Variants in CHERP observed in about 807,000 individuals in gnomAD.
CHERP encodes calcium homeostasis endoplasmic reticulum protein, also known as ERPROT 213-21.
CHERP carries 8 observed loss-of-function variants against 113.8 expected under a neutral mutation model. The ratio of observed to expected loss-of-function variants is 0.07; its 90% confidence interval spans 0.04 to 0.13. CHERP has a LOEUF of 0.13. Among genes scored for constraint, CHERP ranks in the 10% least tolerant of loss-of-function variants. The pLI, the probability that CHERP is intolerant of heterozygous loss-of-function variation, is 1.00. For missense variants in CHERP, 884 were observed against 1,298.2 expected (o/e 0.68, Z 4.90); for synonymous variants, 559 against 524.5 (o/e 1.07, Z -0.90).
chr19:16,530,580 C>A lies in CHERP; in HGVS notation c.876+5G>T. On this transcript the variant is annotated splice_donor_5th_base_variant and intron_variant, in intron 7 of 16. Transcript: ENST00000546361. This position sits in a 1 kb window ranked among gnomAD's most constrained non-coding sequence, Gnocchi z 4.1. ...GGTGAGGTGTGGGTGGGCAGGGACA[C>A]TCACCTGGTACTGACCAAGCCCCAG... 6.2e-7 allele frequency: 1 copy of A among 1,613,722 alleles called. No homozygotes were observed. The highest frequency in any genetic ancestry group is 8.5e-7 in the Non-Finnish European group (1 of 1,179,692).
chr19:16,520,054 T>C lies in CHERP; in HGVS notation c.2462+95A>G. 1 of 1,343,268 alleles carries C rather than the reference T, an allele frequency of 7.4e-7. No individual in the cohort carries two copies. The allele number at this position is 1,343,268 out of a possible 1,614,324, so 83.2% of individuals were successfully genotyped here. A position where few individuals can be genotyped will look rare whatever the true frequency, so the allele number is the denominator to read the frequency against. On this transcript the variant is annotated intron_variant, in intron 15 of 16. Transcript: ENST00000546361. This position sits in a 1 kb window ranked among gnomAD's most constrained non-coding sequence, Gnocchi z 4.0. ...CCCCGGGCTAATGCTGGCGGCCTCC[T>C]AACACAGTCTCCTAACCACCAATGT... is the stretch of plus-strand genomic sequence containing the variant.
At chr19:16,522,699 C>T (rs189216190) in intron 11 of CHERP, among the ~76,000 whole-genome samples, 71 of 152,282 alleles carry the variant, frequency 4.7e-4, no homozygotes, top group Admixed American at 3.9e-3. Flanking sequence ...ACAGGTGGCT[C>T]CTTCTAAGAC....
At chr19:16,536,833 T>G (rs929079876) in intron 2 of CHERP, among the ~76,000 whole-genome samples, 1 of 152,098 alleles carries the variant, frequency 6.6e-6, no homozygotes, top group African/African-American at 2.4e-5. Flanking sequence ...CTGGCCAACA[T>G]GGCCCTGTCT....
intron 9 of CHERP, among the ~76,000 whole-genome samples, chr19:16,526,936 CT>C (rs2085661260): frequency 6.6e-6 from 1 of 151,880 alleles, no homozygotes; most frequent in Admixed American, 6.6e-5. Context: ...TATTTTTATT[CT>C]TTGTAGAGAT....
Position 16,519,983 on chromosome 19 carries a change from G to T in CHERP, c.2462+166C>A. Reference sequence around the variant, plus strand: ...AAGCAGACCCCAGTTACTGCCTCAGGCTTCGCCAAGTGGCTACTGTGGTGA... The same window carrying T: ...AAGCAGACCCCAGTTACTGCCTCAGTCTTCGCCAAGTGGCTACTGTGGTGA... On this transcript the variant is annotated intron_variant, in intron 15 of 16. Transcript: ENST00000546361. This position sits in a 1 kb window ranked among gnomAD's most constrained non-coding sequence, Gnocchi z 6.0. 1.3e-6 allele frequency: 1 copy of T among 764,054 alleles called. No individual in the cohort carries two copies. The highest frequency in any genetic ancestry group is 2.1e-6 in the Non-Finnish European group (1 of 465,970). The allele number at this position is 764,054 out of a possible 1,614,324, so 47.3% of individuals were successfully genotyped here.
chr19:16,538,659 G>A (rs1199615350), intron 2 of CHERP, among the ~76,000 whole-genome samples: 1 of 151,924 alleles, frequency 6.6e-6, no homozygotes, highest in African/African-American at 2.4e-5. Context: ...CTCCAGCCTG[G>A]GCAACAAGAG....
intron 9 of CHERP, among the ~76,000 whole-genome samples, chr19:16,527,093 G>C (rs2085661958): frequency 6.6e-6 from 1 of 152,224 alleles, no homozygotes; most frequent in African/African-American, 2.4e-5. Context: ...TGGACTGCAG[G>C]ATGCACTGCT....
At chr19:16,524,362 C>G (rs2085641940) in intron 10 of CHERP, among the ~76,000 whole-genome samples, 1 of 152,132 alleles carries the variant, frequency 6.6e-6, no homozygotes, top group South Asian at 2.1e-4. Context: ...CGAGACCAGC[C>G]TGGGCAACAT....
Position 16,532,595 on chromosome 19 carries a change from C to T in CHERP, c.674+3G>A, listed in dbSNP as rs1201108304. ...GCTCTGGGCACGGGGTGGCGGCGCT[C>T]ACCAGTGGTGCAGCACGTCATTGAT... On this transcript the variant is annotated splice_donor_region_variant and intron_variant, in intron 5 of 16. Coordinates refer to ENST00000546361, the MANE Select transcript of CHERP (RefSeq NM_006387.6). This position sits in a 1 kb window ranked among gnomAD's most constrained non-coding sequence, Gnocchi z 4.4. The T allele has an allele frequency of 6.3e-7, 1 of 1,595,054 alleles. No individual in the cohort carries two copies.
intron 2 of CHERP, among the ~76,000 whole-genome samples, chr19:16,540,380 CTT>C (rs199633213): frequency 1.6e-5 from 2 of 123,768 alleles, no homozygotes; most frequent in African/African-American, 3.0e-5. Context: ...TTTCAAGCTG[CTT>C]TTTTTTTTTA....
At chr19:16,539,150 T>G (rs2085760165) in intron 2 of CHERP, among the ~76,000 whole-genome samples, 1 of 149,158 alleles carries the variant, frequency 6.7e-6, no homozygotes, top group African/African-American at 2.5e-5. Context: ...GAAACGGTTT[T>G]TTTTTTTTTT....
At chr19:16,531,575 G>A (rs924269348) in intron 5 of CHERP, among the ~76,000 whole-genome samples, 1 of 152,238 alleles carries the variant, frequency 6.6e-6, no homozygotes, top group South Asian at 2.1e-4. Context: ...GGGGCTCAGG[G>A]GAGCAAGGGC....
Position 16,519,063 on chromosome 19 carries a change from G to T in CHERP, c.*96C>A. On this transcript the variant is annotated 3_prime_UTR_variant, in exon 17 of 17. Coordinates refer to ENST00000546361, the MANE Select transcript of CHERP (RefSeq NM_006387.6). This position sits in a 1 kb window ranked among gnomAD's most constrained non-coding sequence, Gnocchi z 6.0. ...CTCTCCACAAGTGGAGACGGTGTAA[G>T]AACTGAGCTGTCACTGCAATCTTCC... The T allele has an allele frequency of 8.9e-7, 1 of 1,126,264 alleles. No individual in the cohort carries two copies. The highest frequency in any genetic ancestry group is 1.3e-6 in the Non-Finnish European group (1 of 781,126). 69.8% of individuals were successfully genotyped at this position (1,126,264 alleles called of 1,614,324 possible).
At chr19:16,526,789 G>A (rs1290292732) in intron 9 of CHERP, among the ~76,000 whole-genome samples, 1 of 150,284 alleles carries the variant, frequency 6.7e-6, no homozygotes, top group Non-Finnish European at 1.5e-5. Context: ...TTAGAGACAA[G>A]GTCTCACTCT....
In CHERP at chr19:16,525,732, C is replaced by T. The variant is rs958346194; in HGVS notation, c.1306-55G>A. The T allele has an allele frequency of 4.3e-6, 6 of 1,392,342 alleles. No individual in the cohort carries two copies. The East Asian group carries it at 1.6e-4, about 36-fold the overall frequency. 86.2% of individuals were successfully genotyped at this position (1,392,342 alleles called of 1,614,324 possible). ...GCGTGGTCTAGGCCCTAGTGCTCGG[C>T]AGCATCACAGCGCTCGGCAGCATCA... is the stretch of plus-strand genomic sequence containing the variant. On this transcript the variant is annotated intron_variant, in intron 9 of 16. Transcript: ENST00000546361. This position sits in a 1 kb window ranked among gnomAD's most constrained non-coding sequence, Gnocchi z 6.5.
At chr19:16,537,270 GC>G (rs1328399131) in intron 2 of CHERP, among the ~76,000 whole-genome samples, 2 of 149,836 alleles carry the variant, frequency 1.3e-5, no homozygotes, top group Non-Finnish European at 3.0e-5. Context: ...CCATGTGTTC[GC>G]CCCCTCAGTC....
chr19:16,519,543 G>A lies in CHERP; in HGVS notation c.2557+78C>T. The A allele has an allele frequency of 1.4e-6, 2 of 1,380,708 alleles. No homozygotes were observed. The highest frequency in any genetic ancestry group is 1.2e-5 in the South Asian group (1 of 85,790). The allele number at this position is 1,380,708 out of a possible 1,614,324, so 85.5% of individuals were successfully genotyped here. On this transcript the variant is annotated intron_variant, in intron 16 of 16. Coordinates refer to ENST00000546361, the MANE Select transcript of CHERP (RefSeq NM_006387.6). The surrounding 1 kb of genome is among the most constrained non-coding windows in gnomAD (Gnocchi z 6.0). ...TCCATCCATCCCCACATGCACTGAG[G>A]AAGAGAAAGCGCTGGTGACTCCCGG...
At position 16,520,733 on chromosome 19, in the gene CHERP, G is replaced by A; in HGVS notation, c.2201+93C>T. ...GCCCCATAGGCACAGGCTGTGTGAG[G>A]GTGGACGTGATGAGTGTATCTGGGG... is the stretch of plus-strand genomic sequence containing the variant. On this transcript the variant is annotated intron_variant, in intron 13 of 16. Coordinates refer to ENST00000546361, the MANE Select transcript of CHERP (RefSeq NM_006387.6). This position sits in a 1 kb window ranked among gnomAD's most constrained non-coding sequence, Gnocchi z 4.0. 2 of 1,304,198 alleles carry A rather than the reference G, an allele frequency of 1.5e-6. No individual in the cohort carries two copies. The highest frequency in any genetic ancestry group is 1.2e-5 in the South Asian group (1 of 84,862). 80.8% of individuals were successfully genotyped at this position (1,304,198 alleles called of 1,614,324 possible).
Position 16,521,642 on chromosome 19 carries a change from C to T in CHERP, c.1993G>A (p.Glu665Lys). 6.3e-7 allele frequency: 1 copy of T among 1,586,670 alleles called. No individual in the cohort carries two copies. Among genetic ancestry groups the T allele is most frequent in the South Asian group, 1.1e-5 (1 of 87,348 alleles). Reference protein sequence around the residue: ...MAPLVKLEDHEYKPLDPKDIR... With the variant: ...MAPLVKLEDHKYKPLDPKDIR... ...TCTTTAGGGTCCAAAGGCTTGTACT[C>T]GTGATCTTCCAGCTGCAGCAGAGAA... Residue 665 changes from glutamate (E) to lysine (K), a missense_variant, in exon 12 of 17, where the codon GAG (glutamate) becomes AAG (lysine). Around this residue, in one of 8 missense-constraint regions of CHERP, gnomAD observed 464 missense variants for 590.1 expected, o/e 0.79. Coordinates refer to ENST00000546361, the MANE Select transcript of CHERP (RefSeq NM_006387.6).
Sources: allele counts gnomAD v4.1 joint callset (sites outside exome capture counted in the v4.1 genomes callset), GRCh38; gene constraint gnomAD v4.1.1; regional missense constraint gnomAD v4.1.1; non-coding constraint Gnocchi (gnomAD v3.1); transcripts MANE v1.5; gene names NCBI Gene and HGNC (gene_info 2026-07-23, HGNC 2026-07-21).